The following ATRNL1 variants were observed in gnomAD, a reference collection of about 807,000 sequenced individuals.
ATRNL1 encodes attractin-like protein 1.
In ATRNL1, 95 loss-of-function variants were observed where a neutral mutation model predicts 182.7. The observed-to-expected ratio is 0.52, with a 90% confidence interval of 0.44 to 0.62. The LOEUF (loss-of-function observed/expected upper bound fraction) is 0.62, where lower values mean the gene tolerates loss of function less well. Among genes scored for constraint, ATRNL1 ranks in the 20% least tolerant of loss-of-function variants. The pLI is 0.00. For missense variants in ATRNL1, 1,471 were observed against 1,679.5 expected, an observed-to-expected ratio of 0.88 and a Z score of 2.17; for synonymous variants, 576 against 568.3, an observed-to-expected ratio of 1.01 and a Z score of -0.19.
At chr10:115,874,478 G>A (rs1025978864) in intron 28 of ATRNL1, among the ~76,000 whole-genome samples, 6 of 152,008 alleles carry the variant, frequency 3.9e-5, no homozygotes, top group Admixed American at 3.9e-4. Flanking sequence ...CAAGTACTAA[G>A]CACTATCAGA....
At chr10:115,171,393 A>G in intron 8 of ATRNL1, 101 bp downstream of exon 8, 1 of 1,069,426 alleles carries the variant, frequency 9.4e-7, no homozygotes, top group Non-Finnish European at 1.3e-6. Context: ...GTTATTTGAG[A>G]TTGAAATTAT....
intron 10 of ATRNL1, among the ~76,000 whole-genome samples, chr10:115,264,221 T>C (rs529932938): frequency 1.3e-5 from 2 of 151,730 alleles, no homozygotes; most frequent in African/African-American, 2.4e-5. Flanking sequence ...AATTTTTTGA[T>C]GTTCATTAAT....
intron 21 of ATRNL1, among the ~76,000 whole-genome samples, chr10:115,453,531 T>A (rs1167720030): frequency 6.6e-6 from 1 of 152,136 alleles, no homozygotes; most frequent in African/African-American, 2.4e-5. Flanking sequence ...ACTTTTTAGT[T>A]TGATGTAATT....
chr10:115,694,411 T>C (rs1032706372), intron 26 of ATRNL1, among the ~76,000 whole-genome samples: 4 of 152,138 alleles, frequency 2.6e-5, no homozygotes, highest in Non-Finnish European at 4.4e-5. Flanking sequence ...ATGGAACTAA[T>C]GTGGATAAGT....
chr10:115,517,066 C>G (rs957126475), intron 24 of ATRNL1, among the ~76,000 whole-genome samples: 1 of 151,808 alleles, frequency 6.6e-6, no homozygotes, highest in Non-Finnish European at 1.5e-5. Context: ...GTGACTATTT[C>G]TTGAATATTT....
intron 24 of ATRNL1, among the ~76,000 whole-genome samples, chr10:115,517,543 A>G (rs148629927): frequency 3.1e-4 from 47 of 151,756 alleles, no homozygotes; most frequent in African/African-American, 1.1e-3. Flanking sequence ...AGTTAATTTT[A>G]TGTTATGTTT....
chr10:115,577,650 G>GTT (rs1161249495), intron 26 of ATRNL1, among the ~76,000 whole-genome samples: 3 of 121,954 alleles, frequency 2.5e-5, no homozygotes, highest in African/African-American at 8.6e-5. Flanking sequence ...GTGTGTGTGT[G>GTT]TGTAGCCTTA....
rs375907495 is a variant in ATRNL1 at position 115,432,302 on chromosome 10, A to G, written c.3322+6000A>G. Among the ~76,000 whole-genome samples the G allele has an allele frequency of 6.6e-4, 100 of 152,252 alleles. 2 individuals are homozygous for G. The South Asian group carries it at 0.02, about 31-fold the overall frequency. On this transcript the variant is annotated intron_variant, in intron 21 of 28. Transcript: ENST00000355044. ...CTTTTCAACTAGTCAATAGCCACAT[A>G]TGGCTAGTGGTGACCTTATTGGACA...
chr10:115,600,608 TATATA>T (rs1255303510), intron 26 of ATRNL1, among the ~76,000 whole-genome samples: 3 of 152,142 alleles, frequency 2.0e-5, no homozygotes, highest in Non-Finnish European at 4.4e-5. Flanking sequence ...AAACGGTTCT[TATATA>T]ATATGTTCTG....
chr10:115,302,071 A>G, intron 17 of ATRNL1, 28 bp downstream of exon 17: 1 of 1,544,502 alleles, frequency 6.5e-7, no homozygotes, highest in Non-Finnish European at 8.8e-7. Context: ...GTGACTTTTC[A>G]CTTGACAGCA....
chr10:115,503,297 A>G (rs2133641672), intron 24 of ATRNL1, among the ~76,000 whole-genome samples: 1 of 152,300 alleles, frequency 6.6e-6, no homozygotes, highest in Middle Eastern at 3.4e-3. Flanking sequence ...GGGAAAAGAA[A>G]AGGCCTTTTG....
chr10:115,211,973 A>T (rs79858510), intron 8 of ATRNL1, among the ~76,000 whole-genome samples: 1 of 150,622 alleles, frequency 6.6e-6, no homozygotes, highest in Admixed American at 6.6e-5. Context: ...TCTATTTTTC[A>T]TATTGGATAA....
At chr10:115,853,248 A>C (rs183207940) in intron 28 of ATRNL1, among the ~76,000 whole-genome samples, 4 of 152,328 alleles carry the variant, frequency 2.6e-5, no homozygotes, top group Admixed American at 6.5e-5. Flanking sequence ...TTTCATATGT[A>C]TTATTAGTGA....
intron 20 of ATRNL1, among the ~76,000 whole-genome samples, chr10:115,417,018 G>C (rs1554960999): frequency 6.6e-6 from 1 of 152,192 alleles, no homozygotes; most frequent in Non-Finnish European, 1.5e-5. Context: ...TCAGGAGTCA[G>C]GTAGGAGGGT....
intron 9 of ATRNL1, among the ~76,000 whole-genome samples, chr10:115,233,505 T>TA (rs374987374): frequency 1.2e-3 from 187 of 152,276 alleles, no homozygotes; most frequent in African/African-American, 4.2e-3. Flanking sequence ...TTCTGGGTCT[T>TA]ACAGCTTTAT....
At chr10:115,756,510 T>C (rs1466787637) in intron 27 of ATRNL1, among the ~76,000 whole-genome samples, 1 of 152,326 alleles carries the variant, frequency 6.6e-6, no homozygotes, top group African/African-American at 2.4e-5. Context: ...CTGATTTGAT[T>C]GCACTATGGT....
chr10:115,772,699 G>A (rs1453886228), intron 27 of ATRNL1, among the ~76,000 whole-genome samples: 2 of 149,938 alleles, frequency 1.3e-5, no homozygotes, highest in Non-Finnish European at 3.0e-5. Context: ...AAAGCCATAA[G>A]TATCCCTACA....
chr10:115,763,704 CTG>C (rs1357661971), intron 27 of ATRNL1, among the ~76,000 whole-genome samples: 3 of 152,040 alleles, frequency 2.0e-5, no homozygotes, highest in African/African-American at 7.2e-5. Context: ...AGAAAGATAT[CTG>C]TGTGTGTTTG....
chr10:115,562,628 A>G (rs1853824737), intron 26 of ATRNL1, among the ~76,000 whole-genome samples: 1 of 152,138 alleles, frequency 6.6e-6, no homozygotes. Context: ...TCCTGTTCTC[A>G]TGATAGTGAG....
Sources: allele counts gnomAD v4.1 joint callset (sites outside exome capture counted in the v4.1 genomes callset), GRCh38; gene constraint gnomAD v4.1.1; transcripts MANE v1.5; gene names NCBI Gene and HGNC (gene_info 2026-07-23, HGNC 2026-07-21).